Variants in CAMKMT observed in about 807,000 individuals in gnomAD.
CAMKMT encodes CaM KMT.
CAMKMT carries 53 observed loss-of-function variants against 48.0 expected under a neutral mutation model. That is an observed-to-expected ratio of 1.10 (90% confidence interval 0.89 to 1.39). The LOEUF is 1.39. Among genes scored for constraint, CAMKMT ranks in the 40% most tolerant of loss-of-function variants. CAMKMT has a pLI of 0.00. For missense variants in CAMKMT, 428 were observed against 402.7 expected, an observed-to-expected ratio of 1.06 and a Z score of -0.54; for synonymous variants, 165 against 152.3, an observed-to-expected ratio of 1.08 and a Z score of -0.61.
chr2:44,677,671 G>A (rs1430628224), intron 3 of CAMKMT, among the ~76,000 whole-genome samples: 1 of 151,510 alleles, frequency 6.6e-6, no homozygotes, highest in African/African-American at 2.4e-5. Context: ...TGGCACCACT[G>A]CACTCCAGAC....
In CAMKMT at chr2:44,426,786, T is replaced by C. The variant is rs150419413; in HGVS notation, c.376+36481T>C. On this transcript the variant is annotated intron_variant, in intron 3 of 10. Coordinates refer to ENST00000378494, the MANE Select transcript of CAMKMT (RefSeq NM_024766.5). ...CAGATTCAATGCTATTTCTATGAAA[T>C]TACCAATGTCACTTTTCACAGTATT... Among the ~76,000 whole-genome samples the C allele has an allele frequency of 2.0e-5, 3 of 152,262 alleles. No individual in the cohort carries two copies. The East Asian group carries it at 5.8e-4, about 29-fold the overall frequency.
intron 3 of CAMKMT, among the ~76,000 whole-genome samples, chr2:44,648,600 TAA>T (rs1673884203): frequency 6.6e-6 from 1 of 152,200 alleles, no homozygotes; most frequent in Non-Finnish European, 1.5e-5. Context: ...AAAATCCTTT[TAA>T]AGACCATACA....
At chr2:44,743,930 T>C (rs1390105160) in intron 8 of CAMKMT, among the ~76,000 whole-genome samples, 2 of 152,250 alleles carry the variant, frequency 1.3e-5, no homozygotes, top group African/African-American at 4.8e-5. Context: ...CATTTCCATT[T>C]TCTGGAATTG....
At chr2:44,608,037 C>G (rs1436714653) in intron 3 of CAMKMT, among the ~76,000 whole-genome samples, 1 of 149,950 alleles carries the variant, frequency 6.7e-6, no homozygotes, top group Non-Finnish European at 1.5e-5. Flanking sequence ...CATATGTAAA[C>G]TGTATACCAA....
chr2:44,590,328 A>T (rs1257073731), intron 3 of CAMKMT, among the ~76,000 whole-genome samples: 1 of 152,206 alleles, frequency 6.6e-6, no homozygotes, highest in African/African-American at 2.4e-5. Context: ...TTTGAGAAAG[A>T]ATTGGTGTTA....
At position 44,554,142 on chromosome 2, in the gene CAMKMT, G is replaced by T. The variant is rs56891701; in HGVS notation, c.377-150141G>T. Among the ~76,000 whole-genome samples, 385 of 152,308 alleles carry T rather than the reference G, an allele frequency of 2.5e-3. 3 individuals carry two copies. Among genetic ancestry groups the T allele is most frequent in the African/African-American group, 8.9e-3 (368 of 41,560 alleles). ...TAGACATTTAGTGTCTGTATGTTCA[G>T]TCGGAGTTCCTGGGGTAAGAATTAG... is the stretch of plus-strand genomic sequence containing the variant. On this transcript the variant is annotated intron_variant, in intron 3 of 10. Transcript: ENST00000378494.
At chr2:44,422,948 G>C (rs1433555106) in intron 3 of CAMKMT, among the ~76,000 whole-genome samples, 3 of 151,866 alleles carry the variant, frequency 2.0e-5, no homozygotes, top group African/African-American at 7.3e-5. Context: ...GAATCAACGT[G>C]GTATGGTATA....
intron 3 of CAMKMT, among the ~76,000 whole-genome samples, chr2:44,470,798 T>A (rs1267889682): frequency 6.6e-6 from 1 of 152,220 alleles, no homozygotes; most frequent in Non-Finnish European, 1.5e-5. Context: ...TTACATTTAT[T>A]GATTACTTAT....
chr2:44,633,106 C>G (rs1397110804), intron 3 of CAMKMT, among the ~76,000 whole-genome samples: 2 of 152,038 alleles, frequency 1.3e-5, no homozygotes, highest in Non-Finnish European at 2.9e-5. Context: ...AATTTTCATT[C>G]CATTGTCCCC....
At chr2:44,689,634 G>A (rs1313195981) in intron 3 of CAMKMT, among the ~76,000 whole-genome samples, 1 of 151,904 alleles carries the variant, frequency 6.6e-6, no homozygotes, top group Non-Finnish European at 1.5e-5. Context: ...GGTGTTTCTG[G>A]GGAAATCCAT....
At chr2:44,435,370 A>C (rs1666169049) in intron 3 of CAMKMT, among the ~76,000 whole-genome samples, 1 of 152,184 alleles carries the variant, frequency 6.6e-6, no homozygotes, top group Non-Finnish European at 1.5e-5. Flanking sequence ...TGGCACTTAC[A>C]GTCTAGATTT....
chr2:44,622,111 C>G (rs1331708063), intron 3 of CAMKMT, among the ~76,000 whole-genome samples: 1 of 152,152 alleles, frequency 6.6e-6, no homozygotes, highest in African/African-American at 2.4e-5. Context: ...TCAACAATCT[C>G]CAGGCACCCA....
At chr2:44,628,807 CA>C (rs1340182147) in intron 3 of CAMKMT, among the ~76,000 whole-genome samples, 1 of 151,916 alleles carries the variant, frequency 6.6e-6, no homozygotes, top group African/African-American at 2.4e-5. Context: ...GTTTAATTGC[CA>C]AATATTTGAG....
intron 3 of CAMKMT, among the ~76,000 whole-genome samples, chr2:44,434,876 C>A (rs539712793): frequency 4.2e-4 from 64 of 152,252 alleles, no homozygotes; most frequent in African/African-American, 1.5e-3. Context: ...TAAACTAGGA[C>A]CCTAAATGAA....
intron 3 of CAMKMT, among the ~76,000 whole-genome samples, chr2:44,529,442 T>C (rs1342096278): frequency 6.6e-6 from 1 of 152,216 alleles, no homozygotes; most frequent in East Asian, 1.9e-4. Flanking sequence ...GGTTGAACTT[T>C]CACAGGGGTT....
chr2:44,584,792 C>T (rs773926126), intron 3 of CAMKMT, among the ~76,000 whole-genome samples: 12 of 152,060 alleles, frequency 7.9e-5, no homozygotes, highest in Non-Finnish European at 1.8e-4. Flanking sequence ...CGGTGGCTCA[C>T]ACCTGTAATC....
At chr2:44,757,310 TG>T (rs1308716104) in intron 9 of CAMKMT, among the ~76,000 whole-genome samples, 1 of 152,226 alleles carries the variant, frequency 6.6e-6, no homozygotes, top group African/African-American at 2.4e-5. Context: ...GGAGTTCACC[TG>T]TGCTCTCATA....
At chr2:44,423,341 G>A (rs904480496) in intron 3 of CAMKMT, among the ~76,000 whole-genome samples, 8 of 152,038 alleles carry the variant, frequency 5.3e-5, no homozygotes, top group African/African-American at 1.9e-4. Flanking sequence ...CACCACTCCT[G>A]TCTAATTTTT....
chr2:44,737,674 C>A (rs1679427504), intron 7 of CAMKMT, among the ~76,000 whole-genome samples: 1 of 152,092 alleles, frequency 6.6e-6, no homozygotes, highest in African/African-American at 2.4e-5. Context: ...GTAGTTTTCT[C>A]ACATACATGC....
Sources: allele counts gnomAD v4.1 joint callset (sites outside exome capture counted in the v4.1 genomes callset), GRCh38; gene constraint gnomAD v4.1.1; transcripts MANE v1.5; gene names NCBI Gene and HGNC (gene_info 2026-07-23, HGNC 2026-07-21).